The following AAMDC variants were observed in gnomAD, a reference collection of about 807,000 sequenced individuals.
The protein encoded by AAMDC is adipogenesis associated Mth938 domain containing.
Under a neutral mutation model 15.5 loss-of-function variants are expected in AAMDC, and 16 were observed. That is an observed-to-expected ratio of 1.03 (90% CI 0.70 to 1.57). The LOEUF (loss-of-function observed/expected upper bound fraction) is 1.57. Among genes scored for constraint, AAMDC ranks in the 40% most tolerant of loss-of-function variants. AAMDC has a pLI of 0.00. For synonymous variants in AAMDC, 51 were observed against 51.6 expected, an observed-to-expected ratio of 0.99 and a Z score of 0.05; for missense variants, 141 against 144.9, an observed-to-expected ratio of 0.97 and a Z score of 0.14.
intron 5 of AAMDC, among the ~76,000 whole-genome samples, chr11:77,894,049 G>A (rs1952400607): frequency 6.6e-6 from 1 of 152,142 alleles, no homozygotes; most frequent in South Asian, 2.1e-4. Context: ...CTAAATGCAA[G>A]TGATTCCTGG....
At position 77,872,172 on chromosome 11, in the gene AAMDC, C is replaced by A. The variant is rs201384470; in HGVS notation, c.229-3C>A. 1 of 1,611,648 alleles carries A rather than the reference C, an allele frequency of 6.2e-7. No homozygotes were observed. The highest frequency in any genetic ancestry group is 8.5e-7 in the Non-Finnish European group (1 of 1,179,054). ...CTTACTCATCTCTTTTCCACCTTCC[C>A]AGGTGCCTTCATCAACTGTGGAGTA... On this transcript the variant is annotated splice_polypyrimidine_tract_variant and splice_region_variant and intron_variant, in intron 3 of 3. Transcript: ENST00000393427.
intron 2 of AAMDC, among the ~76,000 whole-genome samples, chr11:77,859,347 C>A (rs1016035122): frequency 4.6e-5 from 7 of 152,098 alleles, no homozygotes; most frequent in African/African-American, 1.4e-4. Flanking sequence ...CTGATGACCC[C>A]AGCAGTGTAA....
rs183049388 is a variant in AAMDC, at chr11:77,868,508, G to A, written c.133-1214G>A. Reference sequence around the variant, plus strand: ...CGAATAGCTGGGACTACAGGCACGCGCCACCACACCCAGCTAATTTTTGTA... The same window carrying A: ...CGAATAGCTGGGACTACAGGCACGCACCACCACACCCAGCTAATTTTTGTA... On this transcript the variant is annotated intron_variant, in intron 2 of 3. Transcript: ENST00000393427. 2.9e-3 allele frequency among the ~76,000 whole-genome samples: 439 copies of A among 151,548 alleles called. 6 individuals are homozygous for A. The highest frequency in any genetic ancestry group is 3.7e-3 in the Admixed American group (56 of 15,190).
chr11:77,822,467 TAA>T (rs200642641), intron 1 of AAMDC, among the ~76,000 whole-genome samples: 1 of 139,030 alleles, frequency 7.2e-6, no homozygotes, highest in African/African-American at 2.7e-5. Flanking sequence ...ACAAACCATG[TAA>T]AAAAGAGAAA....
intron 5 of AAMDC, among the ~76,000 whole-genome samples, chr11:77,899,372 A>G (rs1052674598): frequency 1.3e-5 from 2 of 152,112 alleles, no homozygotes; most frequent in African/African-American, 2.4e-5. Flanking sequence ...GCAGGAATGC[A>G]TACAAATGAA....
chr11:77,848,844 G>T (rs1004172155), intron 2 of AAMDC, among the ~76,000 whole-genome samples: 3 of 152,162 alleles, frequency 2.0e-5, no homozygotes, highest in African/African-American at 7.2e-5. Flanking sequence ...GGAGTGCAGG[G>T]TTGTAATCAT....
intron 2 of AAMDC, chr11:77,869,153 A>ACAT (rs1404864083): frequency 4.1e-6 from 1 of 245,854 alleles, no homozygotes; most frequent in Non-Finnish European, 8.1e-6. Flanking sequence ...GGCCTAGAGG[A>ACAT]CATATATTGG....
rs7106073 is a variant in AAMDC, at chr11:77,850,209, T to A, written c.132+7581T>A. ...AGCAGATTTTGTAGTGATTACAGAATGGAAACGTAAGAAAATGTAAGGTCT... is the reference window on the plus strand; with the variant it reads ...AGCAGATTTTGTAGTGATTACAGAAAGGAAACGTAAGAAAATGTAAGGTCT... On this transcript the variant is annotated intron_variant, in intron 2 of 3. Transcript: ENST00000393427. Among the ~76,000 whole-genome samples the A allele has an allele frequency of 8.2e-3, 1,243 of 152,290 alleles. 13 individuals are homozygous for A. Among genetic ancestry groups the A allele is most frequent in the African/African-American group, 0.027 (1,104 of 41,552 alleles).
chr11:77,853,800 G>A (rs1311220882), intron 2 of AAMDC, among the ~76,000 whole-genome samples: 1 of 151,792 alleles, frequency 6.6e-6, no homozygotes, highest in Non-Finnish European at 1.5e-5. Flanking sequence ...AATTAGCTGG[G>A]CATGGTGGTG....
downstream of AAMDC, among the ~76,000 whole-genome samples, chr11:77,874,372 CTTTTTTTTTTTT>C (rs560821678): frequency 1.5e-5 from 2 of 134,590 alleles, no homozygotes; most frequent in Non-Finnish European, 3.2e-5. Context: ...GTGATGCAGT[CTTTTTTTTTTTT>C]TTTTGGTCAA....
At chr11:77,887,260 G>A (rs11600140) in intron 5 of AAMDC, among the ~76,000 whole-genome samples, 30,974 of 152,070 alleles carry the variant, frequency 0.2, 3,198 homozygotes, top group Middle Eastern at 0.24. Flanking sequence ...ATGCAAGGCT[G>A]GTTCAACATA....
intron 2 of AAMDC, 38 bp from the exon 3 acceptor site, chr11:77,869,682 TGA>T: frequency 6.4e-7 from 1 of 1,569,688 alleles, no homozygotes; most frequent in Non-Finnish European, 8.8e-7. Flanking sequence ...AATGAAAGAT[TGA>T]GAGCAGGTAC....
At chr11:77,857,295 C>T (rs1400136414) in intron 2 of AAMDC, among the ~76,000 whole-genome samples, 1 of 152,126 alleles carries the variant, frequency 6.6e-6, no homozygotes, top group Admixed American at 6.5e-5. Flanking sequence ...GGATCTTTGA[C>T]CTGACTCTTG....
intron 1 of AAMDC, among the ~76,000 whole-genome samples, chr11:77,825,279 G>A (rs1949117613): frequency 6.6e-6 from 1 of 151,928 alleles, no homozygotes; most frequent in African/African-American, 2.4e-5. Flanking sequence ...ACCAGGCCTG[G>A]CTGCTTTTTT....
intron 2 of AAMDC, chr11:77,850,951 A>ATC (rs1950351263): frequency 2.3e-5 from 3 of 130,912 alleles, no homozygotes; most frequent in African/African-American, 8.9e-5. Flanking sequence ...ATACAATAAT[A>ATC]TCTTTTTTTT....
At chr11:77,883,632 A>G (rs1315134619) in intron 5 of AAMDC, among the ~76,000 whole-genome samples, 1 of 152,168 alleles carries the variant, frequency 6.6e-6, no homozygotes, top group Admixed American at 6.5e-5. Context: ...CTCTCATGCA[A>G]TCAAAGCACT....
downstream of AAMDC, chr11:77,903,569 T>C: frequency 1.9e-6 from 3 of 1,613,932 alleles, no homozygotes; most frequent in Non-Finnish European, 2.5e-6. Flanking sequence ...GCCAAATCAC[T>C]CTGCTTCAAA....
At chr11:77,894,345 C>T (rs751364329) in intron 5 of AAMDC, 1 of 1,550,448 alleles carries the variant, frequency 6.4e-7, no homozygotes, top group South Asian at 1.2e-5. Flanking sequence ...AATAAGGGGT[C>T]AAGTCTGTAG....
Position 77,821,427 on chromosome 11 carries a change from G to A in AAMDC, c.-19+186G>A, listed in dbSNP as rs1011496149. On this transcript the variant is annotated intron_variant, in intron 1 of 3. Coordinates refer to ENST00000393427, the MANE Select transcript of AAMDC (RefSeq NM_024684.4). ...GGGACCTCGGTAAGATGTCTCTGTG[G>A]AAGTTTGCCGACGGGGTATTGCTCT... Among the ~76,000 whole-genome samples, 16 of 152,316 alleles carry A rather than the reference G, an allele frequency of 1.1e-4. No homozygotes were observed. In the South Asian group the frequency reaches 2.3e-3, roughly 22 times the overall value.
Sources: allele counts gnomAD v4.1 joint callset (sites outside exome capture counted in the v4.1 genomes callset), GRCh38; gene constraint gnomAD v4.1.1; transcripts MANE v1.5; gene names NCBI Gene and HGNC (gene_info 2026-07-23, HGNC 2026-07-21).